Variants in DAB1 observed in about 807,000 individuals in gnomAD.
The protein encoded by DAB1 is disabled homolog 1.
Under a neutral mutation model 64.6 loss-of-function variants are expected in DAB1, and 15 were observed. The ratio of observed to expected loss-of-function variants is 0.23; its 90% CI spans 0.16 to 0.36. The LOEUF is 0.36. Among genes scored for constraint, DAB1 ranks in the 10% least tolerant of loss-of-function variants. The pLI, the probability that DAB1 is intolerant of heterozygous loss-of-function variation, is 1.00. For missense variants in DAB1, 596 were observed against 706.7 expected (o/e 0.84, Z 1.78); for synonymous variants, 235 against 251.9 (o/e 0.93, Z 0.64).
intron 3 of DAB1, among the ~76,000 whole-genome samples, chr1:58,425,939 G>A (rs535234673): frequency 6.6e-6 from 1 of 152,188 alleles, no homozygotes; most frequent in South Asian, 2.1e-4. Flanking sequence ...CTGGGTGGTG[G>A]AAGGTAGGGT....
chr1:57,045,531 C>T lies in DAB1; in HGVS notation c.723+17353G>A, dbSNP rs150393347. On this transcript the variant is annotated intron_variant, in intron 9 of 14. Coordinates refer to ENST00000371236, the MANE Select transcript of DAB1 (RefSeq NM_001365792.1). ...TGGCCAATATGGAGAAATTCTGTCT[C>T]TACTAAAAACACAAAAATTAGCTGG... 8.2e-3 allele frequency among the ~76,000 whole-genome samples: 1,244 copies of T among 152,168 alleles called. 20 individuals carry two copies. The highest frequency in any genetic ancestry group is 0.028 in the African/African-American group (1,161 of 41,494).
intron 3 of DAB1, among the ~76,000 whole-genome samples, chr1:58,451,158 C>T (rs967653396): frequency 5.3e-5 from 8 of 152,182 alleles, no homozygotes; most frequent in East Asian, 1.9e-4. Context: ...GATGCAATCA[C>T]GACTCACTGC....
chr1:58,458,472 C>T (rs140275626), intron 3 of DAB1, among the ~76,000 whole-genome samples: 96 of 152,292 alleles, frequency 6.3e-4, no homozygotes, highest in African/African-American at 2.3e-3. Flanking sequence ...CTAAAAGGTA[C>T]CAGTATCAAA....
At chr1:58,370,374 CGTGTGTGTGTGTGTGTGTGTGTGT>C (rs67230027) in intron 3 of DAB1, among the ~76,000 whole-genome samples, 1 of 144,460 alleles carries the variant, frequency 6.9e-6, no homozygotes, top group Non-Finnish European at 1.5e-5. Flanking sequence ...TGAGTGTGTG[CGTGTGTGTGTGTGTGTGTGTGTGT>C]GTGTGTGTGT....
intron 6 of DAB1, among the ~76,000 whole-genome samples, chr1:57,700,999 A>G (rs902105162): frequency 6.6e-6 from 1 of 152,190 alleles, no homozygotes; most frequent in Non-Finnish European, 1.5e-5. Context: ...CAAAACCACA[A>G]TGAGATACCA....
intron 1 of DAB1, among the ~76,000 whole-genome samples, chr1:57,356,776 C>T (rs1011603768): frequency 2.6e-5 from 4 of 151,990 alleles, no homozygotes; most frequent in African/African-American, 9.7e-5. Context: ...GGGACTGATA[C>T]CATCCTACAG....
intron 3 of DAB1, among the ~76,000 whole-genome samples, chr1:58,475,681 C>G (rs1255208108): frequency 6.6e-6 from 1 of 152,080 alleles, no homozygotes; most frequent in Non-Finnish European, 1.5e-5. Context: ...AATATATTAA[C>G]AAGAATCAGC....
intron 2 of DAB1, among the ~76,000 whole-genome samples, chr1:57,289,846 G>A (rs1672624829): frequency 6.6e-6 from 1 of 152,168 alleles, no homozygotes; most frequent in Non-Finnish European, 1.5e-5. Context: ...ACTACAGGGA[G>A]AAAACACACA....
At chr1:57,191,473 C>T (rs1664117192) in intron 2 of DAB1, among the ~76,000 whole-genome samples, 1 of 152,170 alleles carries the variant, frequency 6.6e-6, no homozygotes, top group Admixed American at 6.5e-5. Context: ...TGAGGACCAC[C>T]ATGACTATGG....
At chr1:57,265,204 T>G (rs963864690) in intron 2 of DAB1, among the ~76,000 whole-genome samples, 1 of 152,184 alleles carries the variant, frequency 6.6e-6, no homozygotes, top group African/African-American at 2.4e-5. Context: ...AAGCATCTCA[T>G]TCACCATCTC....
intron 1 of DAB1, among the ~76,000 whole-genome samples, chr1:57,866,819 C>G (rs1371255496): frequency 6.6e-6 from 1 of 152,074 alleles, no homozygotes; most frequent in Non-Finnish European, 1.5e-5. Flanking sequence ...CCTTCTTTCC[C>G]TTGAATGGAC....
At chr1:58,489,972 T>TA (rs1178833127) in intron 3 of DAB1, among the ~76,000 whole-genome samples, 1 of 152,078 alleles carries the variant, frequency 6.6e-6, no homozygotes, top group African/African-American at 2.4e-5. Context: ...CAAAGGTAGA[T>TA]AAAACCATAA....
At chr1:58,540,909 A>T (rs1166666153) in intron 1 of DAB1, among the ~76,000 whole-genome samples, 1 of 152,122 alleles carries the variant, frequency 6.6e-6, no homozygotes, top group Non-Finnish European at 1.5e-5. Context: ...AATCCTACAC[A>T]AAAGAAACAC....
intron 5 of DAB1, among the ~76,000 whole-genome samples, chr1:58,009,145 A>C (rs919649218): frequency 2.0e-5 from 3 of 152,188 alleles, no homozygotes; most frequent in African/African-American, 7.2e-5. Flanking sequence ...CAACTCTAAA[A>C]GGTATATAGC....
At chr1:57,063,783 A>T (rs1300545848) in intron 8 of DAB1, among the ~76,000 whole-genome samples, 3 of 152,198 alleles carry the variant, frequency 2.0e-5, no homozygotes, top group Non-Finnish European at 2.9e-5. Flanking sequence ...ATATATACGA[A>T]CACATCTTAT....
chr1:57,153,784 A>G (rs1250633170), intron 2 of DAB1, among the ~76,000 whole-genome samples: 1 of 151,558 alleles, frequency 6.6e-6, no homozygotes, highest in East Asian at 2.0e-4. Flanking sequence ...ATTACAGGCG[A>G]CCGCCACCAC....
At chr1:57,456,372 A>G (rs1462340187) in intron 7 of DAB1, among the ~76,000 whole-genome samples, 1 of 152,190 alleles carries the variant, frequency 6.6e-6, no homozygotes, top group Non-Finnish European at 1.5e-5. Flanking sequence ...TGGCACAGAA[A>G]TCAAATCAGT....
At chr1:57,481,918 T>C (rs1468029398) in intron 7 of DAB1, among the ~76,000 whole-genome samples, 1 of 152,180 alleles carries the variant, frequency 6.6e-6, no homozygotes, top group Non-Finnish European at 1.5e-5. Flanking sequence ...GTTTCTTTAA[T>C]GATCAAAGAA....
chr1:57,445,813 C>A (rs778950137), intron 7 of DAB1, among the ~76,000 whole-genome samples: 7 of 152,166 alleles, frequency 4.6e-5, no homozygotes, highest in Non-Finnish European at 8.8e-5. Context: ...CAGAACTAAC[C>A]TTTCCCACTT....
Sources: gnomAD v4.1 joint callset for allele counts (sites outside exome capture counted in the v4.1 genomes callset) on GRCh38, gnomAD v4.1.1 for gene constraint, MANE v1.5 for transcripts, NCBI Gene and HGNC (gene_info 2026-07-23, HGNC 2026-07-21) for gene names.